Variants in EPM2A observed in about 807,000 individuals in gnomAD.
EPM2A encodes the protein EPM2A glucan phosphatase, laforin, also known as laforin.
A neutral mutation model predicts 26.5 loss-of-function variants in EPM2A; 21 were observed. That is an observed-to-expected ratio of 0.79 (90% CI 0.56 to 1.14). The LOEUF (loss-of-function observed/expected upper bound fraction) is 1.14. Among genes scored for constraint, EPM2A ranks in the 50% most tolerant of loss-of-function variants. The pLI is 0.00. For missense variants in EPM2A, 458 were observed against 440.8 expected (o/e 1.04, Z -0.35); for synonymous variants, 217 against 177.6 (o/e 1.22, Z -1.76).
At chr6:145,635,175 T>A in intron 3 of EPM2A, 70 bp downstream of exon 3, 1 of 1,561,866 alleles carries the variant, frequency 6.4e-7, no homozygotes. Context: ...TATTAAATTA[T>A]AGATAGACAG....
intron 2 of EPM2A, among the ~76,000 whole-genome samples, chr6:145,598,574 T>TA (rs1781378840): frequency 1.3e-5 from 2 of 152,184 alleles, no homozygotes; most frequent in Non-Finnish European, 1.5e-5. Flanking sequence ...ACTCTGTTGA[T>TA]AGTTTCTTTT....
rs1778833084 is a variant in EPM2A, at chr6:145,424,929, T to C, written c.556-40832A>G. Among the ~76,000 whole-genome samples, 4 of 152,300 alleles carry C rather than the reference T, an allele frequency of 2.6e-5. No individual in the cohort carries two copies. In the South Asian group the frequency reaches 8.3e-4, roughly 32 times the overall value. ...AGCTACTCAGTGTGGTATTTTGTTATAGCAGCCCCAATGGACTAAGACTAT... is the reference window on the plus strand; with the variant it reads ...AGCTACTCAGTGTGGTATTTTGTTACAGCAGCCCCAATGGACTAAGACTAT... On this transcript the variant is annotated intron_variant, in intron 4 of 4. Coordinates refer to the EPM2A transcript ENST00000638717.
intron 4 of EPM2A, among the ~76,000 whole-genome samples, chr6:145,446,692 T>C (rs1214039487): frequency 6.6e-6 from 1 of 152,000 alleles, no homozygotes; most frequent in East Asian, 1.9e-4. Flanking sequence ...AAAGCTCCTC[T>C]TGCCTTTTGA....
intron 2 of EPM2A, among the ~76,000 whole-genome samples, chr6:145,516,991 C>T (rs1780136908): frequency 6.6e-6 from 1 of 152,092 alleles, no homozygotes; most frequent in Non-Finnish European, 1.5e-5. Flanking sequence ...GTGATATACA[C>T]ATACAATGAA....
At chr6:145,518,333 A>G in intron 2 of EPM2A, among the ~76,000 whole-genome samples, 1 of 152,110 alleles carries the variant, frequency 6.6e-6, no homozygotes, top group East Asian at 1.9e-4. Context: ...GGGCACCTTA[A>G]TTTGAGTCTT....
At position 145,626,560 on chromosome 6, in the gene EPM2A, A is replaced by C. The variant is rs1775823943; in HGVS notation, c.*856T>G. 1.2e-5 allele frequency: 12 copies of C among 985,774 alleles called. No individual in the cohort carries two copies. In the South Asian group the frequency reaches 5.2e-4, roughly 42 times the overall value. The allele number at this position is 985,774 out of a possible 1,614,324, so 61.1% of individuals were successfully genotyped here. ...CAGGCATATTGACTATACCCTGAGA[A>C]AGACAAAACTAAATGCACTACATGA... On this transcript the variant is annotated 3_prime_UTR_variant, in exon 4 of 4. Transcript: ENST00000367519.
At chr6:145,709,522 T>G (rs1325654936) in intron 1 of EPM2A, among the ~76,000 whole-genome samples, 1 of 152,188 alleles carries the variant, frequency 6.6e-6, no homozygotes, top group African/African-American at 2.4e-5. Context: ...CTCTTTTGCC[T>G]TCCAACATGA....
intron 4 of EPM2A, among the ~76,000 whole-genome samples, chr6:145,432,500 CT>C (rs3063949): frequency 0.014 from 2,059 of 147,166 alleles, 39 homozygotes; most frequent in South Asian, 0.067. Context: ...TTTTTTGAGT[CT>C]TTTTTTTTTT....
intron 4 of EPM2A, among the ~76,000 whole-genome samples, chr6:145,427,558 G>A (rs897676319): frequency 1.3e-5 from 2 of 152,136 alleles, no homozygotes; most frequent in African/African-American, 4.8e-5. Context: ...GAATGAATCT[G>A]AGAGCCAATA....
intron 2 of EPM2A, among the ~76,000 whole-genome samples, chr6:145,667,662 G>A (rs1426479522): frequency 1.3e-5 from 2 of 149,512 alleles, no homozygotes; most frequent in African/African-American, 5.1e-5. Flanking sequence ...TCCCATTACT[G>A]GGTATATAAC....
chr6:145,605,404 A>G (rs552787506), intron 2 of EPM2A, among the ~76,000 whole-genome samples: 2 of 152,228 alleles, frequency 1.3e-5, no homozygotes, highest in East Asian at 1.9e-4. Flanking sequence ...TGCCCTTTCA[A>G]TGCCACTCTT....
At chr6:145,444,386 G>A (rs1779105153) in intron 4 of EPM2A, among the ~76,000 whole-genome samples, 1 of 152,176 alleles carries the variant, frequency 6.6e-6, no homozygotes, top group South Asian at 2.1e-4. Flanking sequence ...CTGTCTATGT[G>A]ATGAATCACA....
intron 2 of EPM2A, among the ~76,000 whole-genome samples, chr6:145,564,870 G>T (rs890510524): frequency 6.6e-6 from 1 of 152,008 alleles, no homozygotes; most frequent in Non-Finnish European, 1.5e-5. Flanking sequence ...AGCTGGAAGG[G>T]GATCTAGCTA....
chr6:145,702,191 G>A (rs1781951779), intron 1 of EPM2A, among the ~76,000 whole-genome samples: 1 of 151,912 alleles, frequency 6.6e-6, no homozygotes, highest in African/African-American at 2.4e-5. Context: ...AATGCTCTAT[G>A]GAAAAAAAAC....
intron 4 of EPM2A, among the ~76,000 whole-genome samples, chr6:145,443,302 T>A (rs1197072995): frequency 6.6e-6 from 1 of 152,208 alleles, no homozygotes; most frequent in African/African-American, 2.4e-5. Flanking sequence ...TAGCATTGAA[T>A]CCAGAAATTG....
intron 1 of EPM2A, among the ~76,000 whole-genome samples, chr6:145,717,264 C>A (rs1490816152): frequency 6.6e-6 from 1 of 152,184 alleles, no homozygotes. Context: ...AAAAGCTTAT[C>A]CACCATGATC....
chr6:145,491,085 G>A (rs893780221), intron 4 of EPM2A: 1 of 685,176 alleles, frequency 1.5e-6, no homozygotes, highest in Non-Finnish European at 2.6e-6. Flanking sequence ...ATTTGAAGTT[G>A]CTGCAATCTT....
At chr6:145,734,375 A>T (rs1265861338) in intron 1 of EPM2A, among the ~76,000 whole-genome samples, 2 of 152,188 alleles carry the variant, frequency 1.3e-5, no homozygotes, top group African/African-American at 4.8e-5. Context: ...GTATATGCAT[A>T]TATCACATAC....
rs1051073826 is a variant in EPM2A, at chr6:145,666,858, C to T, written c.476+19264G>A. Among the ~76,000 whole-genome samples, 26 of 148,702 alleles carry T rather than the reference C, an allele frequency of 1.7e-4. 2 individuals carry two copies. Among genetic ancestry groups the T allele is most frequent in the African/African-American group, 2.9e-4 (11 of 38,440 alleles). ...AGAAAAGAGCCCTCAGAAATAACAC[C>T]GCATACCTACAACTATCTGATCTTT... On this transcript the variant is annotated intron_variant, in intron 2 of 3. Coordinates refer to ENST00000367519, the MANE Select transcript of EPM2A (RefSeq NM_005670.4).
Sources: gnomAD v4.1 joint callset for allele counts (sites outside exome capture counted in the v4.1 genomes callset) on GRCh38, gnomAD v4.1.1 for gene constraint, MANE v1.5 for transcripts, NCBI Gene and HGNC (gene_info 2026-07-23, HGNC 2026-07-21) for gene names.